The following NKAIN3 variants were observed in gnomAD, a reference collection of about 807,000 sequenced individuals.
NKAIN3 encodes the protein sodium/potassium transporting ATPase interacting 3.
A neutral mutation model predicts 30.2 loss-of-function variants in NKAIN3; 25 were observed. The observed-to-expected ratio is 0.83, with a 90% confidence interval of 0.60 to 1.16. The LOEUF (loss-of-function observed/expected upper bound fraction) is 1.16, where lower values mean the gene tolerates loss of function less well. NKAIN3 is among the 50% of genes most tolerant of loss of function. The pLI, the probability that NKAIN3 is intolerant of heterozygous loss-of-function variation, is 0.00. For missense variants in NKAIN3, 225 were observed against 254.1 expected (o/e 0.89, Z 0.78); for synonymous variants, 91 against 89.6 (o/e 1.02, Z -0.09).
At chr8:62,747,163 A>G (rs776400969) in intron 4 of NKAIN3, 34 bp downstream of exon 4, 146 of 1,429,752 alleles carry the variant, frequency 1.0e-4, no homozygotes, top group Non-Finnish European at 1.4e-4. Context: ...ATCTAATCAG[A>G]ACTCTTCTTT....
intron 1 of NKAIN3, among the ~76,000 whole-genome samples, chr8:62,251,396 GT>G (rs1486165159): frequency 6.6e-6 from 1 of 151,924 alleles, no homozygotes; most frequent in Non-Finnish European, 1.5e-5. Context: ...ATAGTCTTTA[GT>G]GTGAATTCCA....
chr8:62,470,809 T>A (rs1585844440), intron 1 of NKAIN3, among the ~76,000 whole-genome samples: 4 of 152,110 alleles, frequency 2.6e-5, no homozygotes, highest in African/African-American at 9.7e-5. Context: ...TTTATATTCT[T>A]TGCTTCCTTT....
chr8:62,849,993 T>C (rs1009600056), intron 4 of NKAIN3, among the ~76,000 whole-genome samples: 2 of 152,060 alleles, frequency 1.3e-5, no homozygotes, highest in African/African-American at 4.8e-5. Flanking sequence ...CTGGGTGAAA[T>C]GGTTTTTCTA....
intron 1 of NKAIN3, among the ~76,000 whole-genome samples, chr8:62,518,124 G>A (rs746779047): frequency 6.6e-6 from 1 of 152,130 alleles, no homozygotes; most frequent in South Asian, 2.1e-4. Context: ...GCTTTGGAAG[G>A]CCAAGGTGGG....
intron 4 of NKAIN3, among the ~76,000 whole-genome samples, chr8:62,838,077 G>A (rs1376259216): frequency 6.6e-6 from 1 of 151,614 alleles, no homozygotes; most frequent in African/African-American, 2.4e-5. Flanking sequence ...CTAGGACGTA[G>A]AAGTGTGCAA....
chr8:62,864,010 T>C (rs929876265), intron 4 of NKAIN3: 4 of 729,532 alleles, frequency 5.5e-6, no homozygotes, highest in African/African-American at 5.2e-5. Context: ...AGGCTCCAGC[T>C]TTGTAGGGTG....
At chr8:62,348,366 A>ATTT (rs1233845509) in intron 1 of NKAIN3, among the ~76,000 whole-genome samples, 1 of 152,212 alleles carries the variant, frequency 6.6e-6, no homozygotes, top group South Asian at 2.1e-4. Context: ...GATAAATTTA[A>ATTT]AAACGTTAAC....
chr8:62,721,189 C>T (rs560460667), intron 3 of NKAIN3, among the ~76,000 whole-genome samples: 9 of 152,266 alleles, frequency 5.9e-5, no homozygotes, highest in Non-Finnish European at 1.5e-5. Context: ...ATATGACTTT[C>T]CCCAAATAGA....
Position 62,830,816 on chromosome 8 carries a change from C to A in NKAIN3, c.471+83687C>A, listed in dbSNP as rs1206285937. Among the ~76,000 whole-genome samples the A allele has an allele frequency of 2.6e-5, 4 of 152,180 alleles. No individual in the cohort carries two copies. In the East Asian group the frequency reaches 7.7e-4, roughly 29 times the overall value. On this transcript the variant is annotated intron_variant, in intron 4 of 6. Transcript: ENST00000623646. ...GCAGAAGAGAATTCTCACCTCCATG[C>A]CTAGACACACGTCTCAGTGCTTAGT...
chr8:62,813,230 G>A (rs918152697), intron 4 of NKAIN3, among the ~76,000 whole-genome samples: 24 of 151,920 alleles, frequency 1.6e-4, no homozygotes, highest in Non-Finnish European at 3.2e-4. Context: ...CCAGTATCAT[G>A]TGACTTTGGT....
intron 4 of NKAIN3, among the ~76,000 whole-genome samples, chr8:62,816,664 C>T (rs762543883): frequency 7.9e-5 from 12 of 152,158 alleles, no homozygotes; most frequent in African/African-American, 1.2e-4. Flanking sequence ...CTGGGGTCAG[C>T]GCTGTACAAT....
intron 4 of NKAIN3, among the ~76,000 whole-genome samples, chr8:62,871,206 GC>G (rs1820631214): frequency 6.6e-6 from 1 of 151,886 alleles, no homozygotes; most frequent in Non-Finnish European, 1.5e-5. Flanking sequence ...TTTGAGACCA[GC>G]CTGGCCAACA....
intron 4 of NKAIN3, among the ~76,000 whole-genome samples, chr8:62,800,726 A>T (rs1284045842): frequency 6.6e-6 from 1 of 152,164 alleles, no homozygotes; most frequent in African/African-American, 2.4e-5. Flanking sequence ...CATCTGAGGT[A>T]CCGGGTTCAT....
rs569384231 is a variant in NKAIN3 at position 62,453,055 on chromosome 8, A to C, written c.55-126484A>C. Among the ~76,000 whole-genome samples, 5 of 152,340 alleles carry C rather than the reference A, an allele frequency of 3.3e-5. No individual in the cohort carries two copies. In the South Asian group the frequency reaches 1.0e-3, roughly 32 times the overall value. ...AAATGAAATATTTACAAACTGAATA[A>C]ATATCACTTATGTGTTTGTTTTACT... is the stretch of plus-strand genomic sequence containing the variant. On this transcript the variant is annotated intron_variant, in intron 1 of 6. Transcript: ENST00000623646.
intron 1 of NKAIN3, among the ~76,000 whole-genome samples, chr8:62,384,601 T>A (rs988794140): frequency 6.6e-6 from 1 of 152,142 alleles, no homozygotes; most frequent in South Asian, 2.1e-4. Flanking sequence ...AAAATATGCA[T>A]GTAGGAGGAC....
intron 1 of NKAIN3, among the ~76,000 whole-genome samples, chr8:62,250,915 A>G (rs1208312490): frequency 6.6e-6 from 1 of 152,164 alleles, no homozygotes; most frequent in Non-Finnish European, 1.5e-5. Context: ...GTTATAAAAC[A>G]TTTGATACAC....
At chr8:62,712,168 G>C (rs1230535591) in intron 3 of NKAIN3, among the ~76,000 whole-genome samples, 1 of 152,256 alleles carries the variant, frequency 6.6e-6, no homozygotes, top group South Asian at 2.1e-4. Flanking sequence ...ACTCTGTGAG[G>C]GTTCTTAGTT....
In NKAIN3 at chr8:62,957,620, GA is replaced by G. The variant is rs544483786; in HGVS notation, c.603+3652del. ...GTTATGAAATGAAGGAAGTCAAACTGAAAAGGCTACATGCTATATAATTCCA... is the reference window on the plus strand; with the variant it reads ...GTTATGAAATGAAGGAAGTCAAACTGAAAGGCTACATGCTATATAATTCCA... On this transcript the variant is annotated intron_variant, in intron 6 of 6. Transcript: ENST00000623646. Among the ~76,000 whole-genome samples the G allele has an allele frequency of 1.6e-3, 246 of 152,282 alleles. 1 individual carries two copies. The highest frequency in any genetic ancestry group is 3.4e-3 in the Admixed American group (52 of 15,296).
chr8:62,491,830 G>A (rs1807074914), intron 1 of NKAIN3, among the ~76,000 whole-genome samples: 1 of 152,054 alleles, frequency 6.6e-6, no homozygotes, highest in Admixed American at 6.6e-5. Flanking sequence ...AAGGAGGACT[G>A]AGAATGGAAC....
Sources: gnomAD v4.1 joint callset for allele counts (sites outside exome capture counted in the v4.1 genomes callset) on GRCh38, gnomAD v4.1.1 for gene constraint, MANE v1.5 for transcripts, NCBI Gene and HGNC (gene_info 2026-07-23, HGNC 2026-07-21) for gene names.